Variants in TRPM6 observed in about 807,000 individuals in gnomAD.
TRPM6 encodes the protein transient receptor potential cation channel subfamily M member 6, also known as channel kinase 2.
TRPM6 carries 111 observed loss-of-function variants against 247.6 expected under a neutral mutation model. The ratio of observed to expected loss-of-function variants is 0.45; its 90% CI spans 0.38 to 0.52. The LOEUF (loss-of-function observed/expected upper bound fraction) is 0.52. TRPM6 is among the 20% of genes least tolerant of loss of function. TRPM6 has a pLI of 0.00. For missense variants in TRPM6, 2,126 were observed against 2,421.5 expected, an observed-to-expected ratio of 0.88 and a Z score of 2.56; for synonymous variants, 892 against 853.8, an observed-to-expected ratio of 1.04 and a Z score of -0.78.
intron 38 of TRPM6, among the ~76,000 whole-genome samples, chr9:74,725,652 C>T (rs117608502): frequency 6.6e-6 from 1 of 152,168 alleles, no homozygotes; most frequent in African/African-American, 2.4e-5. Flanking sequence ...AGTTTCCCTA[C>T]ACAAGCTCTC....
chr9:74,813,927 T>C (rs1337814050), intron 11 of TRPM6, among the ~76,000 whole-genome samples: 1 of 152,114 alleles, frequency 6.6e-6, no homozygotes, highest in Non-Finnish European at 1.5e-5. Flanking sequence ...TGAAACTCCA[T>C]CTCTACTAAA....
At chr9:74,870,518 C>T (rs547648218) in intron 1 of TRPM6, among the ~76,000 whole-genome samples, 44 of 152,280 alleles carry the variant, frequency 2.9e-4, no homozygotes, top group Non-Finnish European at 5.1e-4. Context: ...TAATCTCTAC[C>T]AGCAAACTAG....
rs1829094597 is a variant in TRPM6, at chr9:74,820,347, T to C, written c.1091A>G (p.His364Arg). 6.2e-7 allele frequency: 1 copy of C among 1,614,140 alleles called. No individual in the cohort carries two copies. Residue 364 changes from histidine to arginine, a missense_variant, in exon 9 of 39, where the codon CAC becomes CGC. His to Arg is a conservative substitution (Grantham distance 29). Around this residue, in one of 3 missense-constraint regions of TRPM6, gnomAD observed 1,082 missense variants for 1,307.9 expected, o/e 0.83. Coordinates refer to ENST00000360774, the MANE Select transcript of TRPM6 (RefSeq NM_017662.5). ...ACACTCCATTAGAATTTGGAAAAGG[T>C]GCTTGGACTGTTTAAGACTAAAGTT... Reference protein sequence around the residue: ...TFNFSLKQSKHLFQILMECMV... With the variant: ...TFNFSLKQSKRLFQILMECMV...
At chr9:74,748,584 T>C (rs1826127703) in intron 30 of TRPM6, among the ~76,000 whole-genome samples, 1 of 152,188 alleles carries the variant, frequency 6.6e-6, no homozygotes, top group South Asian at 2.1e-4. Flanking sequence ...TGTGTCTTCA[T>C]ATTTTTAAAA....
Position 74,762,361 on chromosome 9 carries a change from C to A in TRPM6, c.4310G>T (p.Ser1437Ile), listed in dbSNP as rs1826675103. Residue 1437 changes from serine to isoleucine, a missense_variant, in exon 26 of 39, where the codon AGC (serine) becomes ATC (isoleucine). Coordinates refer to ENST00000360774, the MANE Select transcript of TRPM6 (RefSeq NM_017662.5). ...GATCTTGGCTTGGGAAAGAGGGGAG[C>A]TCATTGTCATGGGTTCAGGTGTGCA... ...LSCTPEPMTM[S>I]SPLSQAKIMQ... The A allele has an allele frequency of 6.2e-7, 1 of 1,614,206 alleles. No homozygotes were observed.
At chr9:74,856,616 T>C (rs1587587029) in intron 2 of TRPM6, among the ~76,000 whole-genome samples, 1 of 152,294 alleles carries the variant, frequency 6.6e-6, no homozygotes, top group African/African-American at 2.4e-5. Flanking sequence ...TCCCAGCCTT[T>C]TGGGAATGCC....
At chr9:74,783,922 C>CTTA (rs1827552251) in intron 21 of TRPM6, among the ~76,000 whole-genome samples, 1 of 152,086 alleles carries the variant, frequency 6.6e-6, no homozygotes, top group African/African-American at 2.4e-5. Flanking sequence ...AGACACTGTA[C>CTTA]TTATTAAAGC....
At chr9:74,811,693 GTCTA>G (rs1267288645) in intron 12 of TRPM6, among the ~76,000 whole-genome samples, 2 of 152,296 alleles carry the variant, frequency 1.3e-5, no homozygotes, top group African/African-American at 4.8e-5. Flanking sequence ...TGGTTGAAGA[GTCTA>G]TCTATAAACT....
intron 32 of TRPM6, 119 bp from the exon 33 acceptor site, chr9:74,742,745 G>T: frequency 3.4e-6 from 3 of 892,658 alleles, no homozygotes; most frequent in East Asian, 5.3e-5. Flanking sequence ...TCTTATTTTT[G>T]CCATTATCAA....
chr9:74,850,286 C>T (rs1028545925), intron 3 of TRPM6, among the ~76,000 whole-genome samples: 4 of 151,788 alleles, frequency 2.6e-5, no homozygotes, highest in African/African-American at 7.3e-5. Context: ...GCACGAGAAT[C>T]GCTTGAACCC....
chr9:74,814,285 T>C (rs779486963), intron 11 of TRPM6, among the ~76,000 whole-genome samples: 2 of 151,706 alleles, frequency 1.3e-5, no homozygotes, highest in African/African-American at 2.4e-5. Flanking sequence ...AGCAGAAGGA[T>C]GGTTACCAGA....
chr9:74,770,401 T>TA (rs1173980661), intron 25 of TRPM6, among the ~76,000 whole-genome samples: 2 of 152,292 alleles, frequency 1.3e-5, no homozygotes, highest in African/African-American at 4.8e-5. Flanking sequence ...AATTCTGTTT[T>TA]AAAAAAATGC....
At chr9:74,761,311 A>C (rs759942159) in intron 27 of TRPM6, among the ~76,000 whole-genome samples, 2 of 152,242 alleles carry the variant, frequency 1.3e-5, no homozygotes, top group Non-Finnish European at 2.9e-5. Flanking sequence ...CTTGTACACA[A>C]ATGTTCATAA....
intron 9 of TRPM6, 121 bp from the exon 10 acceptor site, chr9:74,817,085 C>A: frequency 3.1e-6 from 3 of 966,456 alleles, no homozygotes; most frequent in East Asian, 2.4e-5. Context: ...TTCTTTAAAA[C>A]CTTTTTTTAC....
chr9:74,732,604 A>C (rs1825558764), intron 37 of TRPM6, 81 bp downstream of exon 37: 1 of 1,096,716 alleles, frequency 9.1e-7, no homozygotes, highest in African/African-American at 1.6e-5. Flanking sequence ...CAGGGAACAT[A>C]TATGTTTGTA....
At chr9:74,757,067 A>C (rs1234199058) in intron 27 of TRPM6, among the ~76,000 whole-genome samples, 1 of 151,722 alleles carries the variant, frequency 6.6e-6, no homozygotes, top group Non-Finnish European at 1.5e-5. Context: ...AGTCCCAGCT[A>C]CTTGGGAGGC....
chr9:74,732,922 G>A (rs948298550), intron 36 of TRPM6, among the ~76,000 whole-genome samples, 186 bp from the exon 37 acceptor site: 7 of 152,154 alleles, frequency 4.6e-5, no homozygotes, highest in South Asian at 2.1e-4. Context: ...GGCTGGGCGC[G>A]GTGGCTCACG....
chr9:74,875,922 T>C (rs1340858182), intron 1 of TRPM6, among the ~76,000 whole-genome samples: 1 of 152,196 alleles, frequency 6.6e-6, no homozygotes, highest in African/African-American at 2.4e-5. Flanking sequence ...AGAAGATAAT[T>C]CTCTTTCCTG....
intron 1 of TRPM6, among the ~76,000 whole-genome samples, chr9:74,859,052 A>G (rs1358464612): frequency 1.3e-5 from 2 of 152,208 alleles, no homozygotes; most frequent in African/African-American, 4.8e-5. Context: ...ATCCTCTTAA[A>G]TCTGCCAAAA....
Sources: allele counts gnomAD v4.1 joint callset (sites outside exome capture counted in the v4.1 genomes callset), GRCh38; gene constraint gnomAD v4.1.1; regional missense constraint gnomAD v4.1.1; transcripts MANE v1.5; gene names NCBI Gene and HGNC (gene_info 2026-07-23, HGNC 2026-07-21).